The following ARRDC1 variants were observed in gnomAD, a reference collection of about 807,000 sequenced individuals.
ARRDC1 encodes arrestin domain containing 1.
In ARRDC1, 37 loss-of-function variants were observed where a neutral mutation model predicts 40.1. The ratio of observed to expected loss-of-function variants is 0.92; its 90% CI spans 0.71 to 1.21. The LOEUF (loss-of-function observed/expected upper bound fraction) is 1.21. ARRDC1 is among the 50% of genes most tolerant of loss of function. The probability of loss-of-function intolerance (pLI) is 0.00; values close to 1 mark genes in which losing one functional copy is unlikely to be tolerated. For missense variants in ARRDC1, 641 were observed against 581.9 expected (o/e 1.10, Z -1.04); for synonymous variants, 310 against 262.5 (o/e 1.18, Z -1.75).
chr9:137,610,861 C>G (rs1439507594), intron 1 of ARRDC1, among the ~76,000 whole-genome samples: 1 of 152,160 alleles, frequency 6.6e-6, no homozygotes, highest in East Asian at 1.9e-4. Flanking sequence ...CCGTGCCCGG[C>G]CTTTTTTGTA....
At chr9:137,611,157 G>A (rs989635349) in intron 1 of ARRDC1, among the ~76,000 whole-genome samples, 1 of 152,218 alleles carries the variant, frequency 6.6e-6, no homozygotes, top group East Asian at 1.9e-4. Flanking sequence ...TGGGCTGTCT[G>A]CTGGTCCACA....
At chr9:137,607,741 T>TG (rs1842448114) in intron 1 of ARRDC1, among the ~76,000 whole-genome samples, 1 of 152,120 alleles carries the variant, frequency 6.6e-6, no homozygotes, top group Non-Finnish European at 1.5e-5. Flanking sequence ...ACAGCTTCTG[T>TG]GGCAGGCGTG....
intron 1 of ARRDC1, among the ~76,000 whole-genome samples, chr9:137,611,282 C>T (rs931883107): frequency 6.6e-6 from 1 of 152,192 alleles, no homozygotes; most frequent in Non-Finnish European, 1.5e-5. Flanking sequence ...GGTACCGTGG[C>T]TCATGCCTGT....
In ARRDC1 at chr9:137,609,009, A is replaced by G. The variant is rs146398273; in HGVS notation, c.118+3174A>G. ...CATACTGTTTGTTTTTGTGGAGTCAATGTCCCATGACGGTTTTCGCGATGC... is the reference window on the plus strand; with the variant it reads ...CATACTGTTTGTTTTTGTGGAGTCAGTGTCCCATGACGGTTTTCGCGATGC... On this transcript the variant is annotated intron_variant, in intron 1 of 7. Transcript: ENST00000371421. Among the ~76,000 whole-genome samples the G allele has an allele frequency of 1.6e-3, 244 of 152,304 alleles. 1 individual carries two copies. The East Asian group carries it at 0.025, about 15-fold the overall frequency.
chr9:137,613,254 C>T, intron 2 of ARRDC1: 1 of 756,038 alleles, frequency 1.3e-6, no homozygotes, highest in Admixed American at 2.3e-5. Context: ...TTGCCCCATT[C>T]CCAAACCACT....
chr9:137,607,399 G>T (rs1588983663), intron 1 of ARRDC1, among the ~76,000 whole-genome samples: 1 of 152,358 alleles, frequency 6.6e-6, no homozygotes, highest in East Asian at 1.9e-4. Flanking sequence ...CTCTGCCGAT[G>T]AGTGTCGGTG....
In ARRDC1 at chr9:137,614,930, C is replaced by T. The variant is rs148707333; in HGVS notation, c.1167C>T (p.Ser389=). 1.4e-4 allele frequency: 220 copies of T among 1,613,852 alleles called. 1 individual carries two copies. Among genetic ancestry groups the T allele is most frequent in the Admixed American group, 5.2e-4 (31 of 60,012 alleles). Residue 389 remains serine, a synonymous_variant, in exon 7 of 8, where the codon TCC becomes TCT. Transcript: ENST00000371421. ...GATVPYFAEG[S]GGPVPTTSTL... ...CTGTCCCCTACTTTGCAGAGGGCTC[C>T]GGGGGGCCAGTGCCCACTACCAGCA...
chr9:137,612,694 C>T (rs1204370811), intron 1 of ARRDC1: 23 of 550,922 alleles, frequency 4.2e-5, no homozygotes, highest in African/African-American at 1.7e-4. Flanking sequence ...TCAGGCCCCT[C>T]GCCTGCCTGA....
In ARRDC1 at chr9:137,614,644, G is replaced by A. The variant is rs148514563; in HGVS notation, c.881G>A (p.Arg294Gln). 1.7e-3 allele frequency: 2,671 copies of A among 1,612,692 alleles called. 2 individuals carry two copies. Among genetic ancestry groups the A allele is most frequent in the Non-Finnish European group, 2.0e-3 (2,354 of 1,179,800 alleles). ...IAVNHAPVSP[R>Q]PGLGLPPGAP... ...GTGAACCATGCCCCAGTGAGCCCCC[G>A]GCCAGGCCTGGGGCTGCCTCCTGGG... is the stretch of plus-strand genomic sequence containing the variant. The change falls in exon 7 of 8, where the codon CGG becomes CAG. Residue 294 changes from arginine (R) to glutamine (Q), a missense_variant. Arg to Gln is a conservative substitution (Grantham distance 43). Coordinates refer to ENST00000371421, the MANE Select transcript of ARRDC1 (RefSeq NM_152285.4).
chr9:137,606,051 G>C (rs1276850368), intron 1 of ARRDC1, among the ~76,000 whole-genome samples: 1 of 151,754 alleles, frequency 6.6e-6, no homozygotes, highest in Non-Finnish European at 1.5e-5. Context: ...AGGGGCGGCG[G>C]GGTCCCGGCG....
chr9:137,613,772 G>A lies in ARRDC1; in HGVS notation c.435+3G>A. On this transcript the variant is annotated splice_donor_region_variant and intron_variant, in intron 4 of 7. Transcript: ENST00000371421. ...TGAACAGCATCCCAGACATTGAGGT[G>A]AGGATGGCACAGTGACCTCCTTGGT... 3 of 1,614,076 alleles carry A rather than the reference G, an allele frequency of 1.9e-6. No individual in the cohort carries two copies. The highest frequency in any genetic ancestry group is 2.5e-6 in the Non-Finnish European group (3 of 1,179,976).
At chr9:137,610,852 C>T (rs1208204888) in intron 1 of ARRDC1, among the ~76,000 whole-genome samples, 5 of 151,946 alleles carry the variant, frequency 3.3e-5, no homozygotes, top group Non-Finnish European at 7.4e-5. Context: ...CATGAGCCAC[C>T]GTGCCCGGCC....
At position 137,614,290 on chromosome 9, in the gene ARRDC1, C is replaced by CT; in HGVS notation, c.619-7dup. 6.3e-7 allele frequency: 1 copy of CT among 1,585,666 alleles called. No homozygotes were observed. Among genetic ancestry groups the CT allele is most frequent in the Non-Finnish European group, 8.6e-7 (1 of 1,163,826 alleles). On this transcript the variant is annotated splice_polypyrimidine_tract_variant and intron_variant, in intron 5 of 7. Transcript: ENST00000371421. ...GCCTGCGCAGGCTCACAGGCTGGTC[C>CT]TTCCCCAGAAAGTGTCCTATAAGGC...
At chr9:137,613,862 TC>T in intron 4 of ARRDC1, 93 bp downstream of exon 4, 1 of 1,556,650 alleles carries the variant, frequency 6.4e-7, no homozygotes, top group Non-Finnish European at 8.8e-7. Flanking sequence ...CAGCGTCCTG[TC>T]CCCAGCTGAG....
Position 137,612,901 on chromosome 9 carries a change from C to G in ARRDC1, c.124C>G (p.Arg42Gly), listed in dbSNP as rs374081670. The change falls in exon 2 of 8, where the codon CGG becomes GGG. Residue 42 changes from arginine to glycine, a missense_variant. By Grantham distance (125) the Arg-to-Gly change is moderately radical. Coordinates refer to ENST00000371421, the MANE Select transcript of ARRDC1 (RefSeq NM_152285.4). ...TGCAGCCATCCCCTTTGCAGCCATC[C>G]GGGTGACCTGCATAGGTTCCTGCGG... Reference protein sequence around the residue: ...LGAPLPFRAIRVTCIGSCGVS... With the variant: ...LGAPLPFRAIGVTCIGSCGVS... 1.2e-6 allele frequency: 2 copies of G among 1,613,358 alleles called. No homozygotes were observed. The highest frequency in any genetic ancestry group is 2.2e-5 in the East Asian group (1 of 44,868).
At chr9:137,610,914 C>G (rs958210645) in intron 1 of ARRDC1, among the ~76,000 whole-genome samples, 1 of 152,182 alleles carries the variant, frequency 6.6e-6, no homozygotes, top group Non-Finnish European at 1.5e-5. Context: ...CCAGGCTGGT[C>G]TTGAACTCCT....
rs1471627371 is a variant in ARRDC1 at position 137,612,693 on chromosome 9, T to A, written c.119-203T>A. 4 of 549,506 alleles carry A rather than the reference T, an allele frequency of 7.3e-6. No individual in the cohort carries two copies. The Admixed American group carries it at 1.3e-4, about 18-fold the overall frequency. 34.0% of individuals were successfully genotyped at this position (549,506 alleles called of 1,614,324 possible). ...CGTCGTTTTGTGCTGGTCAGGCCCCTCGCCTGCCTGATTCCCTTGGAGCCC... is the reference window on the plus strand; with the variant it reads ...CGTCGTTTTGTGCTGGTCAGGCCCCACGCCTGCCTGATTCCCTTGGAGCCC... On this transcript the variant is annotated intron_variant, in intron 1 of 7. Transcript: ENST00000371421.
intron 1 of ARRDC1, among the ~76,000 whole-genome samples, chr9:137,610,315 T>C (rs532323796): frequency 1.3e-5 from 2 of 152,350 alleles, no homozygotes; most frequent in South Asian, 2.1e-4. Context: ...CTGGGATCAC[T>C]TGAGGGTGCT....
Position 137,614,849 on chromosome 9 carries a change from T to C in ARRDC1, c.1086T>C (p.Asp362=). 6.2e-7 allele frequency: 1 copy of C among 1,613,490 alleles called. No individual in the cohort carries two copies. The highest frequency in any genetic ancestry group is 1.3e-5 in the African/African-American group (1 of 75,032). The change falls in exon 7 of 8, where the codon GAT becomes GAC. Residue 362 remains aspartate, a synonymous_variant. Transcript: ENST00000371421. The part of the protein sequence containing the change: ...VPGAPEPCPQ[D]GSPASHPLHP... ...GTGCGCCGGAGCCCTGCCCTCAGGATGGCAGCCCTGCCTCACACCCGCTGC... is the reference window on the plus strand; with the variant it reads ...GTGCGCCGGAGCCCTGCCCTCAGGACGGCAGCCCTGCCTCACACCCGCTGC...
Sources: allele counts gnomAD v4.1 joint callset (sites outside exome capture counted in the v4.1 genomes callset), GRCh38; gene constraint gnomAD v4.1.1; transcripts MANE v1.5; gene names NCBI Gene and HGNC (gene_info 2026-07-23, HGNC 2026-07-21).